Variants in CAST observed in about 807,000 individuals in gnomAD.
CAST encodes MIR583 host.
In CAST, 76 loss-of-function variants were observed where a neutral mutation model predicts 119.6. The ratio of observed to expected loss-of-function variants is 0.64; its 90% CI spans 0.53 to 0.77. CAST has a LOEUF of 0.77. CAST is among the 30% of genes least tolerant of loss of function. The probability of loss-of-function intolerance (pLI) is 0.00; values close to 1 mark genes in which losing one functional copy is unlikely to be tolerated. For missense variants in CAST, 953 were observed against 946.5 expected (o/e 1.01, Z -0.09); for synonymous variants, 319 against 331.6 (o/e 0.96, Z 0.41).
chr5:96,191,214 A>T, the CAST span, among the ~76,000 whole-genome samples: 1 of 152,322 alleles, frequency 6.6e-6, no homozygotes, highest in Non-Finnish European at 1.5e-5. Context: ...GAGGAATGGG[A>T]TTCTACAAGA....
At chr5:95,966,090 A>AG in the CAST span, among the ~76,000 whole-genome samples, 1 of 152,148 alleles carries the variant, frequency 6.6e-6, no homozygotes, top group Non-Finnish European at 1.5e-5. Flanking sequence ...TAGAGGCTCA[A>AG]GAGTTTCTTT....
At chr5:96,195,389 C>A in the CAST span, among the ~76,000 whole-genome samples, 1 of 152,144 alleles carries the variant, frequency 6.6e-6, no homozygotes, top group African/African-American at 2.4e-5. Flanking sequence ...AACAGAATCT[C>A]CATGGACAGG....
intron 1 of CAST, among the ~76,000 whole-genome samples, chr5:96,627,621 G>A (rs546086513): frequency 6.2e-4 from 95 of 152,330 alleles, no homozygotes; most frequent in African/African-American, 2.2e-3. Flanking sequence ...ATTTTCTTAA[G>A]AGGAGAATAC....
At chr5:96,050,662 G>A in the CAST span, among the ~76,000 whole-genome samples, 2 of 152,220 alleles carry the variant, frequency 1.3e-5, no homozygotes, top group Non-Finnish European at 2.9e-5. Context: ...GGGAGCAGCT[G>A]CTCAGAAGTG....
chr5:96,273,663 G>T, the CAST span, among the ~76,000 whole-genome samples: 46 of 152,264 alleles, frequency 3.0e-4, no homozygotes, highest in African/African-American at 9.9e-4. Flanking sequence ...AATTGCTTGC[G>T]TAGATATTTT....
At chr5:96,005,273 A>G in the CAST span, among the ~76,000 whole-genome samples, 3 of 152,210 alleles carry the variant, frequency 2.0e-5, no homozygotes, top group Non-Finnish European at 2.9e-5. Context: ...AATCTCAGCT[A>G]GGCATCAGTC....
rs142244082 is a variant in CAST, at chr5:96,616,321, G to T, written c.61-59218G>T. On this transcript the variant is annotated intron_variant, in intron 1 of 11. Transcript: ENST00000505143. ...TAAGCATGGAAGTGATGCTCTGTAG[G>T]GCAGTGTCCTAAGGGAGCCCCTCCC... Among the ~76,000 whole-genome samples the T allele has an allele frequency of 2.4e-3, 368 of 152,206 alleles. 1 individual carries two copies. Among genetic ancestry groups the T allele is most frequent in the African/African-American group, 7.3e-3 (305 of 41,532 alleles).
intron 1 of CAST, among the ~76,000 whole-genome samples, chr5:96,669,741 T>G (rs1200253969): frequency 1.3e-5 from 2 of 152,210 alleles, no homozygotes; most frequent in Non-Finnish European, 2.9e-5. Context: ...CACCCCAGTC[T>G]GCCTGACCCT....
chr5:96,139,042 T>A, the CAST span, among the ~76,000 whole-genome samples: 8 of 152,046 alleles, frequency 5.3e-5, no homozygotes, highest in Admixed American at 1.3e-4. Context: ...CCTATATGTA[T>A]GAAGTGAGCT....
chr5:96,018,958 T>C, the CAST span, among the ~76,000 whole-genome samples: 2 of 152,210 alleles, frequency 1.3e-5, no homozygotes, highest in East Asian at 3.9e-4. Flanking sequence ...ATAAACGAGC[T>C]TGGGTGCTTG....
At chr5:96,042,202 G>C in the CAST span, among the ~76,000 whole-genome samples, 1 of 152,072 alleles carries the variant, frequency 6.6e-6, no homozygotes, top group Non-Finnish European at 1.5e-5. Flanking sequence ...AAAAGCTGTG[G>C]GACATTATAG....
At chr5:96,739,511 G>A (rs564952860) in intron 11 of CAST, among the ~76,000 whole-genome samples, 1 of 152,268 alleles carries the variant, frequency 6.6e-6, no homozygotes, top group African/African-American at 2.4e-5. Flanking sequence ...AGTAATGCTG[G>A]ACGTTGTTTA....
rs187122292 is a variant in CAST, at chr5:96,587,163, C to T, written c.60+57283C>T. On this transcript the variant is annotated intron_variant, in intron 1 of 11. Transcript: ENST00000505143. Reference sequence around the variant, plus strand: ...AAAACAGAACCCCTCATTTTCAATTCACCACATCAGCTAGAAAGGTTTGTA... The same window carrying T: ...AAAACAGAACCCCTCATTTTCAATTTACCACATCAGCTAGAAAGGTTTGTA... Among the ~76,000 whole-genome samples the T allele has an allele frequency of 1.9e-3, 292 of 152,250 alleles. 1 individual carries two copies. Among genetic ancestry groups the T allele is most frequent in the Non-Finnish European group, 3.0e-3 (206 of 68,000 alleles).
At chr5:96,366,767 G>A in the CAST span, among the ~76,000 whole-genome samples, 2 of 152,120 alleles carry the variant, frequency 1.3e-5, no homozygotes, top group African/African-American at 4.8e-5. Context: ...TTTACGATGG[G>A]TTCAAACTTC....
the CAST span, chr5:96,425,764 A>G: frequency 1.1e-6 from 1 of 943,186 alleles, no homozygotes; most frequent in Non-Finnish European, 1.8e-6. Flanking sequence ...AAATGTAACA[A>G]CATAAAGAAG....
the CAST span, among the ~76,000 whole-genome samples, chr5:96,502,059 G>A: frequency 2.7e-5 from 4 of 149,098 alleles, no homozygotes; most frequent in African/African-American, 9.9e-5. Context: ...ATAAAAAATA[G>A]TCTGCAAAGA....
chr5:96,767,856 G>T (rs759517420), intron 28 of CAST, 51 bp from the exon 29 acceptor site: 1 of 1,099,884 alleles, frequency 9.1e-7, no homozygotes. Context: ...ACCCCATATT[G>T]CATTTTGCCT....
the CAST span, among the ~76,000 whole-genome samples, chr5:96,226,257 A>G: frequency 1.3e-5 from 2 of 152,186 alleles, no homozygotes; most frequent in South Asian, 4.1e-4. Context: ...CAATTGGTCC[A>G]AAGCCAGGGG....
At chr5:96,085,791 G>A in the CAST span, among the ~76,000 whole-genome samples, 4 of 152,152 alleles carry the variant, frequency 2.6e-5, no homozygotes, top group Non-Finnish European at 5.9e-5. Context: ...ATAGGGCAGG[G>A]GTCTTGGATC....
Sources: gnomAD v4.1 joint callset for allele counts (sites outside exome capture counted in the v4.1 genomes callset) on GRCh38, gnomAD v4.1.1 for gene constraint, MANE v1.5 for transcripts, NCBI Gene and HGNC (gene_info 2026-07-23, HGNC 2026-07-21) for gene names.